The following TBC1D30 variants were observed in gnomAD, a reference collection of about 807,000 sequenced individuals.
TBC1D30 encodes the protein TBC1 domain family member 30.
TBC1D30 carries 31 observed loss-of-function variants against 63.2 expected under a neutral mutation model. The ratio of observed to expected loss-of-function variants is 0.49; its 90% CI spans 0.37 to 0.66. The LOEUF (loss-of-function observed/expected upper bound fraction) is 0.66. TBC1D30 is among the 30% of genes least tolerant of loss of function. The pLI, the probability that TBC1D30 is intolerant of heterozygous loss-of-function variation, is 0.00. For missense variants in TBC1D30, 810 were observed against 953.6 expected, an observed-to-expected ratio of 0.85 and a Z score of 1.98; for synonymous variants, 307 against 361.5, an observed-to-expected ratio of 0.85 and a Z score of 1.71.
In TBC1D30 at chr12:64,825,120, C is replaced by T. The variant is rs992612741; in HGVS notation, c.154+87C>T. On this transcript the variant is annotated intron_variant, in intron 1 of 11. Transcript: ENST00000539867. ...TGCCTTAGCCTGACTCCGTCTAGGCCGGGGAGCTCTGGGGAAAGTCCGCGT... is the reference window on the plus strand; with the variant it reads ...TGCCTTAGCCTGACTCCGTCTAGGCTGGGGAGCTCTGGGGAAAGTCCGCGT... 2.8e-6 allele frequency: 4 copies of T among 1,441,602 alleles called. No individual in the cohort carries two copies. The Admixed American group carries it at 7.4e-5, about 27-fold the overall frequency. 89.3% of individuals were successfully genotyped at this position (1,441,602 alleles called of 1,614,324 possible).
intron 3 of TBC1D30, 99 bp downstream of exon 3, chr12:64,828,608 G>T: frequency 2.6e-6 from 2 of 756,258 alleles, no homozygotes; most frequent in East Asian, 2.8e-5. Flanking sequence ...TTAGTTACTT[G>T]AAAACCTGTC....
intron 2 of TBC1D30, among the ~76,000 whole-genome samples, chr12:64,791,698 TTG>T (rs564771442): frequency 1.1e-4 from 16 of 143,486 alleles, no homozygotes; most frequent in Non-Finnish European, 1.8e-4. Context: ...GTGTGTGTGT[TTG>T]TGTGTGTGTA....
chr12:64,866,442 C>CT lies in TBC1D30; in HGVS notation c.1152-311dup, dbSNP rs879547040. ...ATAAATCACGTCATTATATATAATT[C>CT]TTTTTTTTTTTGAGACGGAGTCTTG... On this transcript the variant is annotated intron_variant, in intron 9 of 11. Transcript: ENST00000539867. Among the ~76,000 whole-genome samples, 479 of 146,174 alleles carry CT rather than the reference C, an allele frequency of 3.3e-3. 1 individual carries two copies. The highest frequency in any genetic ancestry group is 4.3e-3 in the Non-Finnish European group (283 of 66,128).
intron 1 of TBC1D30, among the ~76,000 whole-genome samples, chr12:64,775,103 A>G (rs1049930223): frequency 7.6e-6 from 1 of 131,656 alleles, no homozygotes; most frequent in Non-Finnish European, 1.6e-5. Context: ...AAAAAAAAAA[A>G]AATATATATA....
chr12:64,824,887 A>G lies in TBC1D30; in HGVS notation c.8A>G (p.Gln3Arg). Residue 3 changes from glutamine to arginine, a missense_variant, in exon 1 of 12, where the codon CAG becomes CGG. Physicochemically the swap from Gln to Arg is conservative, Grantham distance 43. Around this residue, in one of 4 missense-constraint regions of TBC1D30, gnomAD observed 272 missense variants for 335.9 expected, o/e 0.81. Coordinates refer to ENST00000539867, the MANE Select transcript of TBC1D30 (RefSeq NM_015279.2). Reference sequence around the variant, plus strand: ...AGCCCGGGGCGCTCTCGGATGCGGCAGGACAAGCTGACCGGGTCTCTGAGG... The same window carrying G: ...AGCCCGGGGCGCTCTCGGATGCGGCGGGACAAGCTGACCGGGTCTCTGAGG... MRQDKLTGSLRRG... is the reference protein window; with the variant it reads MRRDKLTGSLRRG... 6.5e-7 allele frequency: 1 copy of G among 1,533,544 alleles called. No homozygotes were observed. The highest frequency in any genetic ancestry group is 8.7e-7 in the Non-Finnish European group (1 of 1,146,292). The allele number at this position is 1,533,544 out of a possible 1,614,324, so 95.0% of individuals were successfully genotyped here. A position where few individuals can be genotyped will look rare whatever the true frequency, so the allele number is the denominator to read the frequency against.
rs1874496891 is a variant in TBC1D30 at position 64,827,830 on chromosome 12, T to C, written c.155-5T>C. 1 of 1,528,380 alleles carries C rather than the reference T, an allele frequency of 6.5e-7. No homozygotes were observed. The allele number at this position is 1,528,380 out of a possible 1,614,324, so 94.7% of individuals were successfully genotyped here. A position where few individuals can be genotyped will look rare whatever the true frequency, so the allele number is the denominator to read the frequency against. ...ATAACATCTATTTATGTATTTTTCTTTCAGGAGTTGATACCAAGTTGAAAT... is the reference window on the plus strand; with the variant it reads ...ATAACATCTATTTATGTATTTTTCTCTCAGGAGTTGATACCAAGTTGAAAT... On this transcript the variant is annotated splice_polypyrimidine_tract_variant and splice_region_variant and intron_variant, in intron 1 of 11. Transcript: ENST00000539867.
Position 64,781,363 on chromosome 12 carries a change from C to T in TBC1D30, c.478+77C>T, listed in dbSNP as rs1442231900. 3.9e-6 allele frequency: 4 copies of T among 1,038,340 alleles called. No individual in the cohort carries two copies. In the Admixed American group the frequency reaches 1.8e-4, roughly 47 times the overall value. 64.3% of individuals were successfully genotyped at this position (1,038,340 alleles called of 1,614,324 possible). On this transcript the variant is annotated intron_variant, in intron 1 of 12. Transcript: ENST00000542120. ...CTCGCCGTCTCTGCCCGCGCTCCAGCGCGCACCTGGGCTGCTCGGCGGAGC... is the reference window on the plus strand; with the variant it reads ...CTCGCCGTCTCTGCCCGCGCTCCAGTGCGCACCTGGGCTGCTCGGCGGAGC...
rs548494472 is a variant in TBC1D30, at chr12:64,860,226, C to A, written c.1039-4442C>A. Reference sequence around the variant, plus strand: ...AGAGATGGGGTTTCACCATGTTGCCCAGGCTGGTTTTGAACTCCTGGGCTC... The same window carrying A: ...AGAGATGGGGTTTCACCATGTTGCCAAGGCTGGTTTTGAACTCCTGGGCTC... On this transcript the variant is annotated intron_variant, in intron 8 of 11. Transcript: ENST00000539867. Among the ~76,000 whole-genome samples the A allele has an allele frequency of 3.1e-4, 47 of 152,132 alleles. No individual in the cohort carries two copies. In the South Asian group the frequency reaches 8.5e-3, roughly 28 times the overall value.
chr12:64,860,747 G>A (rs765685950), intron 8 of TBC1D30, among the ~76,000 whole-genome samples: 3 of 152,162 alleles, frequency 2.0e-5, no homozygotes, highest in Non-Finnish European at 4.4e-5. Context: ...AGCTAATTCT[G>A]TCATGTTAGA....
intron 2 of TBC1D30, among the ~76,000 whole-genome samples, chr12:64,806,409 C>T (rs964082601): frequency 6.6e-6 from 1 of 152,060 alleles, no homozygotes; most frequent in Admixed American, 6.5e-5. Context: ...TCATCTAGTC[C>T]AATTTGCTCA....
intron 1 of TBC1D30, among the ~76,000 whole-genome samples, chr12:64,773,711 A>C (rs1870984102): frequency 6.6e-6 from 1 of 152,220 alleles, no homozygotes; most frequent in South Asian, 2.1e-4. Context: ...GGTGACTGGG[A>C]CCAGGCTGCC....
chr12:64,773,555 G>T (rs954796076), intron 1 of TBC1D30, among the ~76,000 whole-genome samples: 1 of 152,202 alleles, frequency 6.6e-6, no homozygotes, highest in South Asian at 2.1e-4. Flanking sequence ...CCCAACTGGG[G>T]TCTTCAGCCA....
Position 64,875,190 on chromosome 12 carries a change from C to A in TBC1D30, c.1688C>A (p.Ser563Tyr), listed in dbSNP as rs1261304407. 2 of 1,536,374 alleles carry A rather than the reference C, an allele frequency of 1.3e-6. No individual in the cohort carries two copies. The highest frequency in any genetic ancestry group is 1.7e-6 in the Non-Finnish European group (2 of 1,146,914). Reference sequence around the variant, plus strand: ...GAAGACCTTAAGACGAAGCTCAACTCCCCGTGGCGAACTCACATCCGAGTC... The same window carrying A: ...GAAGACCTTAAGACGAAGCTCAACTACCCGTGGCGAACTCACATCCGAGTC... ...PYEDLKTKLNSPWRTHIRVHK... is the reference protein window; with the variant it reads ...PYEDLKTKLNYPWRTHIRVHK... Residue 563 changes from serine (S) to tyrosine (Y), a missense_variant, in exon 12 of 12, where the codon TCC (serine) becomes TAC (tyrosine). Coordinates refer to ENST00000539867, the MANE Select transcript of TBC1D30 (RefSeq NM_015279.2).
rs549986910 is a variant in TBC1D30, at chr12:64,761,561, T to C, written c.-376+1912T>C. On this transcript the variant is annotated intron_variant, in intron 1 of 13. Coordinates refer to the TBC1D30 transcript ENST00000674237. Reference sequence around the variant, plus strand: ...CGACTAAAACCCACCAAAACCAAGATGGTGATGAAAGTGACCTCTGGTCGT... The same window carrying C: ...CGACTAAAACCCACCAAAACCAAGACGGTGATGAAAGTGACCTCTGGTCGT... Among the ~76,000 whole-genome samples, 966 of 152,260 alleles carry C rather than the reference T, an allele frequency of 6.3e-3. 10 individuals carry two copies. The highest frequency in any genetic ancestry group is 0.022 in the African/African-American group (915 of 41,562).
intron 2 of TBC1D30, among the ~76,000 whole-genome samples, chr12:64,809,167 T>C (rs972034593): frequency 3.3e-5 from 5 of 152,300 alleles, no homozygotes; most frequent in South Asian, 4.1e-4. Flanking sequence ...AGTTCTTTAG[T>C]GGTGATTTTT....
chr12:64,838,628 C>T, intron 6 of TBC1D30, 55 bp from the exon 7 acceptor site: 1 of 1,507,042 alleles, frequency 6.6e-7, no homozygotes, highest in Non-Finnish European at 8.9e-7. Flanking sequence ...AGGGTATCTG[C>T]ATATGCTGCC....
At chr12:64,861,371 AG>A (rs1386548030) in intron 8 of TBC1D30, among the ~76,000 whole-genome samples, 2 of 152,230 alleles carry the variant, frequency 1.3e-5, no homozygotes, top group Admixed American at 6.5e-5. Flanking sequence ...ATGTCATTTC[AG>A]GCCATTTTCT....
intron 1 of TBC1D30, among the ~76,000 whole-genome samples, chr12:64,826,982 T>C (rs1874413767): frequency 6.6e-6 from 1 of 152,232 alleles, no homozygotes; most frequent in Non-Finnish European, 1.5e-5. Flanking sequence ...ATTGCTCCTA[T>C]TCATACCAAC....
chr12:64,811,838 G>A (rs2136330936), intron 2 of TBC1D30, among the ~76,000 whole-genome samples: 1 of 152,290 alleles, frequency 6.6e-6, no homozygotes, highest in South Asian at 2.1e-4. Context: ...ATTTTGTTCA[G>A]TTGGTAACTT....
Sources: allele counts gnomAD v4.1 joint callset (sites outside exome capture counted in the v4.1 genomes callset), GRCh38; gene constraint gnomAD v4.1.1; regional missense constraint gnomAD v4.1.1; transcripts MANE v1.5; gene names NCBI Gene and HGNC (gene_info 2026-07-23, HGNC 2026-07-21).